The following ADGRL2 variants were observed in gnomAD, a reference collection of about 807,000 sequenced individuals.
The protein encoded by ADGRL2 is calcium-independent alpha-latrotoxin receptor 2.
A neutral mutation model predicts 157.4 loss-of-function variants in ADGRL2; 44 were observed. That is an observed-to-expected ratio of 0.28 (90% CI 0.22 to 0.36). The LOEUF (loss-of-function observed/expected upper bound fraction) is 0.36, where lower values mean the gene tolerates loss of function less well. Ranked by LOEUF, ADGRL2 falls within the 10% of genes least tolerant of loss-of-function variation. ADGRL2 has a pLI of 1.00. For synonymous variants in ADGRL2, 585 were observed against 624.7 expected, an observed-to-expected ratio of 0.94 and a Z score of 0.95; for missense variants, 1,510 against 1,768.9, an observed-to-expected ratio of 0.85 and a Z score of 2.63.
chr1:81,892,448 A>G (rs1223919022), intron 2 of ADGRL2, among the ~76,000 whole-genome samples: 2 of 152,092 alleles, frequency 1.3e-5, no homozygotes, highest in African/African-American at 4.8e-5. Flanking sequence ...ATAAGCAGAG[A>G]ATTATATTCT....
chr1:81,332,056 G>A (rs372076693), intron 1 of ADGRL2, among the ~76,000 whole-genome samples: 4 of 152,026 alleles, frequency 2.6e-5, no homozygotes, highest in African/African-American at 9.7e-5. Flanking sequence ...GTATTTTGAC[G>A]TTTGTATGTG....
At chr1:81,817,804 T>A (rs1366290312) in intron 1 of ADGRL2, among the ~76,000 whole-genome samples, 1 of 152,032 alleles carries the variant, frequency 6.6e-6, no homozygotes, top group South Asian at 2.1e-4. Flanking sequence ...TTTACCGTTA[T>A]CTACCTCTCA....
chr1:81,407,439 G>A (rs914204227), intron 1 of ADGRL2, among the ~76,000 whole-genome samples: 8 of 152,220 alleles, frequency 5.3e-5, no homozygotes, highest in African/African-American at 1.9e-4. Flanking sequence ...GATGTATGGT[G>A]TATAATGAAA....
At chr1:81,813,039 T>A (rs1287690508) in intron 1 of ADGRL2, among the ~76,000 whole-genome samples, 4 of 151,752 alleles carry the variant, frequency 2.6e-5, no homozygotes, top group Non-Finnish European at 5.9e-5. Context: ...AGCAGGATGA[T>A]AAGCTTTTAG....
chr1:81,436,442 C>T (rs1054449215), intron 1 of ADGRL2, among the ~76,000 whole-genome samples: 3 of 151,984 alleles, frequency 2.0e-5, no homozygotes, highest in African/African-American at 7.3e-5. Flanking sequence ...TTCATTTGAA[C>T]TATTTTTTTT....
chr1:81,631,002 ATACAT>A (rs2082000421), intron 3 of ADGRL2, among the ~76,000 whole-genome samples: 1 of 152,192 alleles, frequency 6.6e-6, no homozygotes, highest in Non-Finnish European at 1.5e-5. Context: ...ACTTGTGGAA[ATACAT>A]TAATACTAAA....
At chr1:81,440,486 T>G (rs749059825) in intron 1 of ADGRL2, among the ~76,000 whole-genome samples, 19 of 152,196 alleles carry the variant, frequency 1.2e-4, no homozygotes, top group Non-Finnish European at 1.9e-4. Context: ...CCCACCCATA[T>G]GGAGACTCTC....
Position 81,745,511 on chromosome 1 carries a change from A to G in ADGRL2, c.-142-16300A>G, listed in dbSNP as rs17107072. On this transcript the variant is annotated intron_variant, in intron 1 of 20. Transcript: ENST00000359929. ...TATGATTCAATCTAATACCTATCCT[A>G]TAGAGTTGTAAGGATTAAATGGATC... Among the ~76,000 whole-genome samples the G allele has an allele frequency of 4.9e-3, 740 of 152,308 alleles. 3 individuals carry two copies. The highest frequency in any genetic ancestry group is 0.017 in the African/African-American group (717 of 41,566).
intron 2 of ADGRL2, among the ~76,000 whole-genome samples, chr1:81,542,370 C>A (rs2079906447): frequency 6.6e-6 from 1 of 152,298 alleles, no homozygotes; most frequent in South Asian, 2.1e-4. Context: ...ATATCCTGGA[C>A]ACATTTTTAA....
rs192159173 is a variant in ADGRL2, at chr1:81,670,476, C to T, written c.-143+89496C>T. 8.7e-4 allele frequency among the ~76,000 whole-genome samples: 133 copies of T among 152,210 alleles called. 1 individual carries two copies. The highest frequency in any genetic ancestry group is 6.1e-3 in the Admixed American group (93 of 15,294). ...GTGTCATTGACGGACTCCTCTGGCA[C>T]GAAGCCTAGAAGTCTGAGTGTAGAT... On this transcript the variant is annotated intron_variant, in intron 3 of 24. Transcript: ENST00000370721.
intron 1 of ADGRL2, among the ~76,000 whole-genome samples, chr1:81,824,986 T>TCTCTCTCTCTCTCTCTCTCTC (rs1553162255): frequency 6.6e-6 from 1 of 151,604 alleles, no homozygotes; most frequent in African/African-American, 2.4e-5. Context: ...TCTCTCTGTC[T>TCTCTCTCTCTCTCTCTCTCTC]TTCAGATTTT....
At position 81,842,375 on chromosome 1, in the gene ADGRL2, T is replaced by TTAA. The variant is rs1380656471; in HGVS notation, c.73+5318_73+5319insTAA. 4.3e-5 allele frequency among the ~76,000 whole-genome samples: 6 copies of TTAA among 139,330 alleles called. 1 individual carries two copies. The highest frequency in any genetic ancestry group is 1.8e-4 in the African/African-American group (6 of 33,944). The allele number at this position is 139,330 out of a possible 152,430, so 91.4% of individuals were successfully genotyped here. On this transcript the variant is annotated intron_variant, in intron 2 of 23. Transcript: ENST00000686636. Reference sequence around the variant, plus strand: ...GCGCTTTTTTTTTTTTTTTTTTTTTTAAGATGGAGTCTCACTCTGTCTCCC... The same window carrying TTAA: ...GCGCTTTTTTTTTTTTTTTTTTTTTTTAAAAGATGGAGTCTCACTCTGTCTCCC...
At chr1:81,764,880 G>A (rs1263992440) in intron 2 of ADGRL2, among the ~76,000 whole-genome samples, 1 of 151,926 alleles carries the variant, frequency 6.6e-6, no homozygotes, top group Non-Finnish European at 1.5e-5. Context: ...GAGAGACTTG[G>A]AGTCATTAGA....
intron 1 of ADGRL2, among the ~76,000 whole-genome samples, chr1:81,420,866 T>A (rs2077111791): frequency 6.6e-6 from 1 of 152,156 alleles, no homozygotes; most frequent in South Asian, 2.1e-4. Flanking sequence ...CTACATTAAA[T>A]GGTAAATCAT....
At chr1:81,418,746 T>A (rs2077076406) in intron 1 of ADGRL2, among the ~76,000 whole-genome samples, 1 of 152,096 alleles carries the variant, frequency 6.6e-6, no homozygotes, top group Non-Finnish European at 1.5e-5. Context: ...AGAGTGAGAC[T>A]CCATCTCAAA....
At chr1:81,478,589 G>A (rs2078320595) in intron 2 of ADGRL2, among the ~76,000 whole-genome samples, 1 of 152,196 alleles carries the variant, frequency 6.6e-6, no homozygotes, top group Non-Finnish European at 1.5e-5. Flanking sequence ...TGGTGTTTAA[G>A]CCTTAAGCAA....
In ADGRL2 at chr1:81,987,392, A is replaced by C. The variant is rs577339094; in HGVS notation, c.3637+363A>C. 4.0e-5 allele frequency: 48 copies of C among 1,194,996 alleles called. 1 individual carries two copies. The South Asian group carries it at 5.8e-4, about 14-fold the overall frequency. The allele number at this position is 1,194,996 out of a possible 1,614,324, so 74.0% of individuals were successfully genotyped here. A position where few individuals can be genotyped will look rare whatever the true frequency, so the allele number is the denominator to read the frequency against. ...TCAGTTAATTCTAAAGCTTGCTGAC[A>C]AAATTTGCTTCTGGAATGAATTAGC... is the stretch of plus-strand genomic sequence containing the variant. On this transcript the variant is annotated intron_variant, in intron 22 of 23. Coordinates refer to ENST00000686636, the MANE Select transcript of ADGRL2 (RefSeq NM_001366006.2).
intron 3 of ADGRL2, among the ~76,000 whole-genome samples, chr1:81,605,004 C>T (rs1031760972): frequency 6.6e-6 from 1 of 152,168 alleles, no homozygotes; most frequent in African/African-American, 2.4e-5. Flanking sequence ...GCTTCCGAGA[C>T]TGGAAACTTT....
chr1:81,801,533 C>T (rs1217219862), intron 1 of ADGRL2, among the ~76,000 whole-genome samples: 1 of 152,220 alleles, frequency 6.6e-6, no homozygotes, highest in Non-Finnish European at 1.5e-5. Flanking sequence ...GGCATCTCCC[C>T]TCCGCTGCTG....
Sources: gnomAD v4.1 joint callset for allele counts (sites outside exome capture counted in the v4.1 genomes callset) on GRCh38, gnomAD v4.1.1 for gene constraint, MANE v1.5 for transcripts, NCBI Gene and HGNC (gene_info 2026-07-23, HGNC 2026-07-21) for gene names.